The following TRIM4 variants were observed in gnomAD, a reference collection of about 807,000 sequenced individuals.
TRIM4 encodes the protein tripartite motif containing 4.
Under a neutral mutation model 33.7 loss-of-function variants are expected in TRIM4, and 29 were observed. The ratio of observed to expected loss-of-function variants is 0.86; its 90% CI spans 0.64 to 1.17. The LOEUF (loss-of-function observed/expected upper bound fraction) is 1.17. Ranked by LOEUF, TRIM4 falls within the 50% of genes most tolerant of loss-of-function variation. The pLI, the probability that TRIM4 is intolerant of heterozygous loss-of-function variation, is 0.00. For synonymous variants in TRIM4, 224 were observed against 233.0 expected, an observed-to-expected ratio of 0.96 and a Z score of 0.35; for missense variants, 554 against 593.7, an observed-to-expected ratio of 0.93 and a Z score of 0.69.
intron 5 of TRIM4, among the ~76,000 whole-genome samples, chr7:99,902,401 C>A (rs547577422): frequency 6.6e-6 from 1 of 152,216 alleles, no homozygotes; most frequent in South Asian, 2.1e-4. Context: ...GTGCACACCA[C>A]TATGCTCAGC....
chr7:99,915,008 C>T (rs1819522942), intron 1 of TRIM4, among the ~76,000 whole-genome samples: 1 of 152,084 alleles, frequency 6.6e-6, no homozygotes, highest in Admixed American at 6.6e-5. Flanking sequence ...CAGGGTTTCA[C>T]CATGTTGGCC....
At chr7:99,905,808 C>A (rs1165901913) in intron 3 of TRIM4, among the ~76,000 whole-genome samples, 1 of 152,168 alleles carries the variant, frequency 6.6e-6, no homozygotes, top group South Asian at 2.1e-4. Context: ...GCAAAAGAAG[C>A]CAGTACGAAA....
intron 5 of TRIM4, among the ~76,000 whole-genome samples, 165 bp downstream of exon 5, chr7:99,903,053 C>T (rs753626629): frequency 2.6e-5 from 4 of 152,012 alleles, no homozygotes; most frequent in South Asian, 2.1e-4. Flanking sequence ...TGTAACAGTG[C>T]GTTAAATAAA....
intron 5 of TRIM4, among the ~76,000 whole-genome samples, chr7:99,900,472 C>A (rs181607507): frequency 6.6e-6 from 1 of 152,182 alleles, no homozygotes; most frequent in African/African-American, 2.4e-5. Context: ...AACTTACCAT[C>A]GCAATTCCTT....
intron 1 of TRIM4, among the ~76,000 whole-genome samples, chr7:99,913,411 G>A (rs1013255750): frequency 3.9e-5 from 6 of 152,330 alleles, no homozygotes; most frequent in African/African-American, 1.4e-4. Context: ...GCTCACGCCT[G>A]TAATCCCAGC....
At chr7:99,902,054 T>C in intron 5 of TRIM4, 1 of 759,428 alleles carries the variant, frequency 1.3e-6, no homozygotes, top group Non-Finnish European at 2.4e-6. Context: ...AATCATAGGC[T>C]GACCTCATTT....
chr7:99,892,775 C>T (rs1336819337), intron 5 of TRIM4, 29 bp from the exon 6 acceptor site: 1 of 1,561,730 alleles, frequency 6.4e-7, no homozygotes, highest in Admixed American at 1.8e-5. Context: ...CTAAGTAGTG[C>T]AGCAGCTTAT....
intron 3 of TRIM4, among the ~76,000 whole-genome samples, chr7:99,903,837 G>T (rs1819233814): frequency 6.6e-6 from 1 of 152,092 alleles, no homozygotes; most frequent in Non-Finnish European, 1.5e-5. Flanking sequence ...ACATAAACTG[G>T]CTCCTGGCTT....
chr7:99,919,035 T>C lies in TRIM4; in HGVS notation c.367A>G (p.Ile123Val). 4 of 1,587,014 alleles carry C rather than the reference T, an allele frequency of 2.5e-6. No homozygotes were observed. Among genetic ancestry groups the C allele is most frequent in the Non-Finnish European group, 3.4e-6 (4 of 1,168,654 alleles). ...CGGTAGCTCTCGAAGGCCTCGTCGATGGGTGCCATGGCGTGAGTCTGGTGC... is the reference window on the plus strand; with the variant it reads ...CGGTAGCTCTCGAAGGCCTCGTCGACGGGTGCCATGGCGTGAGTCTGGTGC... ...QEHQTHAMAP[I>V]DEAFESYREK... The change falls in exon 1 of 6, where the codon ATC becomes GTC. Residue 123 changes from isoleucine to valine, a missense_variant. Physicochemically the swap from Ile to Val is conservative, Grantham distance 29 (BLOSUM62 3). Around this residue, in one of 3 missense-constraint regions of TRIM4, gnomAD observed 233 missense variants for 203.1 expected, o/e 1.15. Coordinates refer to ENST00000349062, the MANE Select transcript of TRIM4 (RefSeq NM_033091.3).
intron 3 of TRIM4, among the ~76,000 whole-genome samples, chr7:99,904,416 C>T (rs1007763023): frequency 2.0e-5 from 3 of 152,144 alleles, no homozygotes; most frequent in Non-Finnish European, 4.4e-5. Flanking sequence ...AGCCAAGAGG[C>T]ACCTAAGGAG....
chr7:99,909,784 C>CT, intron 1 of TRIM4, 124 bp from the exon 2 acceptor site: 1 of 735,930 alleles, frequency 1.4e-6, no homozygotes, highest in Non-Finnish European at 2.1e-6. Flanking sequence ...CCAGGTTAGA[C>CT]TGCAGCGGCC....
At position 99,919,351 on chromosome 7, in the gene TRIM4, G is replaced by C; in HGVS notation, c.51C>G (p.Asp17Glu). 1 of 1,578,334 alleles carries C rather than the reference G, an allele frequency of 6.3e-7. No homozygotes were observed. Among genetic ancestry groups the C allele is most frequent in the African/African-American group, 1.4e-5 (1 of 72,232 alleles). ...CGATGGACACCGGGTCCTGGAAATAGTCCAGGCAGATGGGGCAGGTCAACT... is the reference window on the plus strand; with the variant it reads ...CGATGGACACCGGGTCCTGGAAATACTCCAGGCAGATGGGGCAGGTCAACT... ...QEELTCPICL[D>E]YFQDPVSIEC... Residue 17 changes from aspartate to glutamate, a missense_variant, in exon 1 of 6, where the codon GAC (aspartate) becomes GAG (glutamate). Around this residue, in one of 3 missense-constraint regions of TRIM4, gnomAD observed 233 missense variants for 203.1 expected, o/e 1.15. Coordinates refer to ENST00000349062, the MANE Select transcript of TRIM4 (RefSeq NM_033091.3).
intron 5 of TRIM4, among the ~76,000 whole-genome samples, chr7:99,894,180 G>C (rs1274252727): frequency 6.6e-6 from 1 of 151,970 alleles, no homozygotes; most frequent in Non-Finnish European, 1.5e-5. Flanking sequence ...GAGAATTTAG[G>C]TATCTATGTT....
At chr7:99,911,167 C>T (rs1269884368) in intron 1 of TRIM4, among the ~76,000 whole-genome samples, 2 of 152,168 alleles carry the variant, frequency 1.3e-5, no homozygotes, top group Non-Finnish European at 2.9e-5. Context: ...GGGATTAAAG[C>T]ACAGGTGGCA....
In TRIM4 at chr7:99,893,214, C is replaced by G. The variant is rs571825933; in HGVS notation, c.842-468G>C. Among the ~76,000 whole-genome samples, 78 of 152,208 alleles carry G rather than the reference C, an allele frequency of 5.1e-4. 1 individual carries two copies. The highest frequency in any genetic ancestry group is 3.4e-3 in the Middle Eastern group (1 of 294). ...CCCAGAAGGCGGAGGTTGTAGTGACCCGAGATCGTGCCACTGCACTCCAGC... is the reference window on the plus strand; with the variant it reads ...CCCAGAAGGCGGAGGTTGTAGTGACGCGAGATCGTGCCACTGCACTCCAGC... On this transcript the variant is annotated intron_variant, in intron 5 of 5. Coordinates refer to ENST00000349062, the MANE Select transcript of TRIM4 (RefSeq NM_033091.3).
rs768766939 is a variant in TRIM4 at position 99,892,571 on chromosome 7, G to A, written c.1017C>T (p.His339=). 13 of 1,614,118 alleles carry A rather than the reference G, an allele frequency of 8.1e-6. No homozygotes were observed. The highest frequency in any genetic ancestry group is 1.1e-5 in the Non-Finnish European group (13 of 1,180,056). The change falls in exon 6 of 6, where the codon CAC becomes CAT. Residue 339 remains histidine, a synonymous_variant. Transcript: ENST00000349062. ...CGTTTTTTCCCAGAACACAGGGTAA[G>A]TGCTGAAATCTCTCTACAAAAGCAG... ...QKTAFVERFQ[H]LPCVLGKNVF...
chr7:99,917,045 A>T (rs1204545156), intron 1 of TRIM4, among the ~76,000 whole-genome samples: 1 of 152,166 alleles, frequency 6.6e-6, no homozygotes, highest in Non-Finnish European at 1.5e-5. Flanking sequence ...TTGGCCTGAA[A>T]TACCTTCTTT....
At chr7:99,897,697 A>T (rs1286696025) in intron 5 of TRIM4, among the ~76,000 whole-genome samples, 1 of 152,334 alleles carries the variant, frequency 6.6e-6, no homozygotes, top group African/African-American at 2.4e-5. Context: ...TTCCAAAATA[A>T]TGAATCCCAG....
At chr7:99,904,492 G>A (rs1432483893) in intron 3 of TRIM4, among the ~76,000 whole-genome samples, 1 of 151,918 alleles carries the variant, frequency 6.6e-6, no homozygotes, top group Non-Finnish European at 1.5e-5. Flanking sequence ...ATGAATACTA[G>A]GTAAAAACTG....
Sources: allele counts gnomAD v4.1 joint callset (sites outside exome capture counted in the v4.1 genomes callset), GRCh38; gene constraint gnomAD v4.1.1; regional missense constraint gnomAD v4.1.1; transcripts MANE v1.5; gene names NCBI Gene and HGNC (gene_info 2026-07-23, HGNC 2026-07-21).